Variants in OTUD7B observed in about 807,000 individuals in gnomAD.
OTUD7B encodes OTU domain-containing protein 7B.
Under a neutral mutation model 82.2 loss-of-function variants are expected in OTUD7B, and 34 were observed. That is an observed-to-expected ratio of 0.41 (90% CI 0.31 to 0.55). The LOEUF (loss-of-function observed/expected upper bound fraction) is 0.55, where lower values mean the gene tolerates loss of function less well. OTUD7B is among the 20% of genes least tolerant of loss of function. The pLI is 0.20. For synonymous variants in OTUD7B, 398 were observed against 402.7 expected (o/e 0.99, Z 0.14); for missense variants, 944 against 1,062.1 (o/e 0.89, Z 1.55).
chr1:149,986,099 T>C (rs368550555), intron 1 of OTUD7B, among the ~76,000 whole-genome samples: 24 of 152,298 alleles, frequency 1.6e-4, no homozygotes, highest in African/African-American at 5.5e-4. Flanking sequence ...TGTGTTTATT[T>C]ACATGTTTGT....
the OTUD7B span, among the ~76,000 whole-genome samples, chr1:150,036,507 C>T: frequency 6.6e-6 from 1 of 152,146 alleles, no homozygotes; most frequent in African/African-American, 2.4e-5. Context: ...TGATCACCCA[C>T]CTCAGCTTCC....
intron 1 of OTUD7B, among the ~76,000 whole-genome samples, chr1:149,992,467 G>GTTGT (rs1651641423): frequency 4.9e-5 from 3 of 61,560 alleles, no homozygotes; most frequent in African/African-American, 2.0e-4. Context: ...GTGTGCATGT[G>GTTGT]TTTTTTTTTT....
chr1:149,974,086 A>G (rs1443851566), intron 2 of OTUD7B, among the ~76,000 whole-genome samples: 3 of 151,768 alleles, frequency 2.0e-5, no homozygotes, highest in African/African-American at 4.8e-5. Flanking sequence ...CTTGAACTCA[A>G]CGGAGTCTCG....
Position 149,981,804 on chromosome 1 carries a change from C to T in OTUD7B, c.-66-4228G>A, listed in dbSNP as rs369079393. ...CTTCCAGACCATCTTGAAGTAATGA[C>T]GCAGTCAAGAATAAAAACTAACAAG... On this transcript the variant is annotated intron_variant, in intron 1 of 11. Coordinates refer to ENST00000581312, the MANE Select transcript of OTUD7B (RefSeq NM_020205.4). Among the ~76,000 whole-genome samples, 11 of 152,272 alleles carry T rather than the reference C, an allele frequency of 7.2e-5. No individual in the cohort carries two copies. In the East Asian group the frequency reaches 1.5e-3, roughly 21 times the overall value.
the OTUD7B span, among the ~76,000 whole-genome samples, chr1:150,058,641 T>G: frequency 0.034 from 5,191 of 152,286 alleles, 245 homozygotes; most frequent in African/African-American, 0.11. Context: ...AGATCCACAC[T>G]TGATGAATCC....
intron 1 of OTUD7B, among the ~76,000 whole-genome samples, chr1:149,996,565 G>A (rs1429665181): frequency 1.3e-5 from 2 of 152,206 alleles, no homozygotes; most frequent in Admixed American, 6.5e-5. Context: ...ATTATTTAAC[G>A]TCTCTATTGC....
At chr1:150,061,865 T>C in the OTUD7B span, among the ~76,000 whole-genome samples, 2 of 152,196 alleles carry the variant, frequency 1.3e-5, no homozygotes, top group Admixed American at 6.5e-5. Flanking sequence ...CTTGATGCAA[T>C]TGCAGAAATC....
chr1:149,944,618 C>T lies in OTUD7B; in HGVS notation c.1771G>A (p.Glu591Lys). ...AGAATGCTCAGGCTCTGCATCACCTCCTGGCTATACTTGCTCCCTCCGTTA... is the reference window on the plus strand; with the variant it reads ...AGAATGCTCAGGCTCTGCATCACCTTCTGGCTATACTTGCTCCCTCCGTTA... ...VGNGGSKYSQ[E>K]VMQSLSILRT... Residue 591 changes from glutamate to lysine, a missense_variant, in exon 12 of 12, where the codon GAG (glutamate) becomes AAG (lysine). Physicochemically the swap from Glu to Lys is moderately conservative, Grantham distance 56. Around this residue, in one of 3 missense-constraint regions of OTUD7B, gnomAD observed 412 missense variants for 418.7 expected, o/e 0.98. Transcript: ENST00000581312. 1.2e-6 allele frequency: 2 copies of T among 1,614,130 alleles called. No individual in the cohort carries two copies. Among genetic ancestry groups the T allele is most frequent in the African/African-American group, 1.3e-5 (1 of 75,018 alleles).
At chr1:150,057,341 T>C in the OTUD7B span, among the ~76,000 whole-genome samples, 1 of 152,238 alleles carries the variant, frequency 6.6e-6, no homozygotes, top group Non-Finnish European at 1.5e-5. Context: ...AAGGGAACTC[T>C]CTATTTTTGC....
chr1:149,957,089 G>A (rs978239532), intron 7 of OTUD7B, among the ~76,000 whole-genome samples: 2 of 152,204 alleles, frequency 1.3e-5, no homozygotes, highest in Admixed American at 1.3e-4. Flanking sequence ...GTGAGGAGCT[G>A]CGTTCCTTTG....
chr1:149,995,169 A>G (rs1553783029), intron 1 of OTUD7B, among the ~76,000 whole-genome samples: 1 of 152,232 alleles, frequency 6.6e-6, no homozygotes, highest in South Asian at 2.1e-4. Context: ...ACCATGCATT[A>G]CTTGTGGGTT....
intron 2 of OTUD7B, among the ~76,000 whole-genome samples, chr1:149,974,627 G>A (rs1254702810): frequency 6.4e-5 from 8 of 125,636 alleles, no homozygotes; most frequent in Admixed American, 2.0e-4. Context: ...TCGACTCACC[G>A]CAGTCTCTGC....
chr1:149,976,840 G>C (rs587595135), intron 2 of OTUD7B, among the ~76,000 whole-genome samples: 187 of 152,082 alleles, frequency 1.2e-3, no homozygotes, highest in Admixed American at 5.4e-3. Flanking sequence ...ATGCTTTTAG[G>C]CCGGGCACAG....
the OTUD7B span, among the ~76,000 whole-genome samples, chr1:150,021,204 A>T: frequency 1.3e-5 from 2 of 152,108 alleles, no homozygotes; most frequent in Non-Finnish European, 1.5e-5. Context: ...ATATACTTCT[A>T]GTAGGAAACA....
chr1:150,006,237 C>G (rs1333604285), intron 1 of OTUD7B, among the ~76,000 whole-genome samples: 1 of 152,156 alleles, frequency 6.6e-6, no homozygotes, highest in East Asian at 1.9e-4. Flanking sequence ...TCAGGCGGAT[C>G]ACGAGGTCAG....
At chr1:149,965,714 CAT>C (rs1317438370) in intron 5 of OTUD7B, 61 bp downstream of exon 5, 44 of 1,173,888 alleles carry the variant, frequency 3.7e-5, no homozygotes, top group Non-Finnish European at 5.3e-5. Flanking sequence ...AAGTCCTACA[CAT>C]GAGATTTGAC....
chr1:150,007,768 A>C (rs781854364), intron 1 of OTUD7B, among the ~76,000 whole-genome samples: 11 of 152,244 alleles, frequency 7.2e-5, no homozygotes, highest in Non-Finnish European at 1.6e-4. Flanking sequence ...CCCTGTATCT[A>C]TCTTCCAGTT....
chr1:149,975,710 GA>G (rs1290290868), intron 2 of OTUD7B, among the ~76,000 whole-genome samples: 4 of 151,938 alleles, frequency 2.6e-5, no homozygotes, highest in African/African-American at 7.2e-5. Flanking sequence ...GAAGTATAGG[GA>G]AAAGTAGTAG....
the OTUD7B span, among the ~76,000 whole-genome samples, chr1:150,028,745 ACTG>A: frequency 1.3e-5 from 2 of 152,196 alleles, no homozygotes; most frequent in East Asian, 3.8e-4. Context: ...GTCTCAGCTC[ACTG>A]CAACCTCCGC....
Sources: allele counts gnomAD v4.1 joint callset (sites outside exome capture counted in the v4.1 genomes callset), GRCh38; gene constraint gnomAD v4.1.1; regional missense constraint gnomAD v4.1.1; transcripts MANE v1.5; gene names NCBI Gene and HGNC (gene_info 2026-07-23, HGNC 2026-07-21).